The following PCDHGA3 variants were observed in gnomAD, a reference collection of about 807,000 sequenced individuals.
PCDHGA3 encodes protocadherin gamma subfamily A, 3, also known as protocadherin gamma-A3.
PCDHGA3 carries 40 observed loss-of-function variants against 58.5 expected under a neutral mutation model. That is an observed-to-expected ratio of 0.68 (90% CI 0.53 to 0.89). The LOEUF is 0.89. PCDHGA3 is among the 40% of genes least tolerant of loss of function. PCDHGA3 has a pLI of 0.00. For missense variants in PCDHGA3, 1,223 were observed against 1,195.9 expected, an observed-to-expected ratio of 1.02 and a Z score of -0.33; for synonymous variants, 530 against 525.7, an observed-to-expected ratio of 1.01 and a Z score of -0.11.
chr5:141,475,749 A>G (rs1039777629), intron 1 of PCDHGA3, among the ~76,000 whole-genome samples: 13 of 152,278 alleles, frequency 8.5e-5, no homozygotes, highest in Admixed American at 6.5e-5. Context: ...TAGGTTTCCT[A>G]TGCACCGATA....
rs779426857 is a variant in PCDHGA3, at chr5:141,360,094, G to C, written c.2424+13637G>C. The C allele has an allele frequency of 3.3e-6, 5 of 1,522,500 alleles. No homozygotes were observed. The African/African-American group carries it at 4.2e-5, about 13-fold the overall frequency. 94.3% of individuals were successfully genotyped at this position (1,522,500 alleles called of 1,614,324 possible). A position where few individuals can be genotyped will look rare whatever the true frequency, so the allele number is the denominator to read the frequency against. The stretch of plus-strand genomic sequence containing the variant: ...GCCCGGATTCTGCCATCCCCGGAAG[G>C]CTTATTCCTCCTATGGGCAAAGGAG... On this transcript the variant is annotated intron_variant, in intron 1 of 3. Transcript: ENST00000253812.
At chr5:141,499,019 AG>A (rs2099788634) in intron 2 of PCDHGA3, among the ~76,000 whole-genome samples, 3 of 150,840 alleles carry the variant, frequency 2.0e-5, no homozygotes, top group Non-Finnish European at 3.0e-5. Context: ...GAAGGAAGGA[AG>A]GAAGGAAGAA....
At chr5:141,433,326 A>G in intron 1 of PCDHGA3, 1 of 726,596 alleles carries the variant, frequency 1.4e-6, no homozygotes. Context: ...CCGGTGTAAC[A>G]GGGACTACAG....
chr5:141,378,542 TAATA>T (rs1181738762), intron 1 of PCDHGA3: 54 of 152,104 alleles, frequency 3.6e-4, no homozygotes, highest in Admixed American at 3.5e-3. Flanking sequence ...TAATGATAAT[TAATA>T]AATAAAGAGT....
In PCDHGA3 at chr5:141,476,331, C is replaced by T; in HGVS notation, c.2425-18476C>T. On this transcript the variant is annotated intron_variant, in intron 1 of 3. Transcript: ENST00000253812. This position sits in a 1 kb window ranked among gnomAD's most constrained non-coding sequence, Gnocchi z 7.6. Reference sequence around the variant, plus strand: ...CGCAGGTTCCGGGTGGTGTCTGGAGCTAGCCGAAGATTCTTTGAGGTGAAC... The same window carrying T: ...CGCAGGTTCCGGGTGGTGTCTGGAGTTAGCCGAAGATTCTTTGAGGTGAAC... 1.2e-6 allele frequency: 2 copies of T among 1,614,156 alleles called. No individual in the cohort carries two copies. Among genetic ancestry groups the T allele is most frequent in the Non-Finnish European group, 1.7e-6 (2 of 1,180,042 alleles).
At position 141,370,693 on chromosome 5, in the gene PCDHGA3, C is replaced by G. The variant is rs762773164; in HGVS notation, c.2424+24236C>G. On this transcript the variant is annotated intron_variant, in intron 1 of 3. Coordinates refer to ENST00000253812, the MANE Select transcript of PCDHGA3 (RefSeq NM_018916.4). ...CGAGAGGAGATTTGTGGCAAGAAGT[C>G]GACGTGTGTTCTGGAATTTGAAATG... 28 of 1,613,754 alleles carry G rather than the reference C, an allele frequency of 1.7e-5. No individual in the cohort carries two copies. In the East Asian group the frequency reaches 3.8e-4, roughly 22 times the overall value.
chr5:141,505,592 A>T, intron 3 of PCDHGA3, 111 bp downstream of exon 3: 2 of 1,567,266 alleles, frequency 1.3e-6, no homozygotes, highest in Admixed American at 3.6e-5. Flanking sequence ...GTTTCTCCAG[A>T]TCTTTCGGCA....
intron 1 of PCDHGA3, chr5:141,351,573 T>A: frequency 6.2e-7 from 1 of 1,613,942 alleles, no homozygotes; most frequent in Admixed American, 1.7e-5. Flanking sequence ...ACCCTGCACA[T>A]CTCCGACATC....
At chr5:141,435,821 T>C (rs571444304) in intron 1 of PCDHGA3, among the ~76,000 whole-genome samples, 72 of 152,240 alleles carry the variant, frequency 4.7e-4, no homozygotes, top group African/African-American at 1.6e-3. Context: ...CTTTCTTCTT[T>C]GTTTGCTGCC....
chr5:141,391,899 T>G (rs1283624057), intron 1 of PCDHGA3: 2 of 152,212 alleles, frequency 1.3e-5, no homozygotes, highest in Non-Finnish European at 2.9e-5. Flanking sequence ...GGATGGAGCT[T>G]TGCTTTTTAT....
intron 1 of PCDHGA3, among the ~76,000 whole-genome samples, chr5:141,438,296 A>G (rs902991313): frequency 6.6e-6 from 1 of 152,034 alleles, no homozygotes; most frequent in Non-Finnish European, 1.5e-5. Context: ...CTGTATGTAA[A>G]AGAAGTTGGT....
chr5:141,435,027 AC>A (rs1485237615), intron 1 of PCDHGA3, among the ~76,000 whole-genome samples: 1 of 151,978 alleles, frequency 6.6e-6, no homozygotes, highest in Non-Finnish European at 1.5e-5. Flanking sequence ...CTCTTTTCCC[AC>A]TTTTATTTTT....
Position 141,431,215 on chromosome 5 carries a change from C to T in PCDHGA3, c.2425-63592C>T, listed in dbSNP as rs1225114172. On this transcript the variant is annotated intron_variant, in intron 1 of 3. Transcript: ENST00000253812. The surrounding 1 kb of genome is among the most constrained non-coding windows in gnomAD (Gnocchi z 4.8). ...AAAATGCAGCCACTGAGATGCGGTT[C>T]CCTCTACCCCACGCCTGGGATCCGG... is the stretch of plus-strand genomic sequence containing the variant. 2.5e-6 allele frequency: 4 copies of T among 1,614,066 alleles called. No homozygotes were observed. The highest frequency in any genetic ancestry group is 1.3e-5 in the African/African-American group (1 of 74,942).
intron 1 of PCDHGA3, chr5:141,362,108 C>G (rs1317907295): frequency 6.2e-7 from 1 of 1,613,854 alleles, no homozygotes; most frequent in Admixed American, 1.7e-5. Context: ...TCCGCTACGG[C>G]CACGCTGCAC....
At chr5:141,361,650 G>T in intron 1 of PCDHGA3, 1 of 1,613,772 alleles carries the variant, frequency 6.2e-7, no homozygotes, top group Non-Finnish European at 8.5e-7. Context: ...TATCCTACGT[G>T]TCCGTGAGCG....
At chr5:141,403,773 AC>A (rs2094454199) in intron 1 of PCDHGA3, 1 of 1,613,838 alleles carries the variant, frequency 6.2e-7, no homozygotes, top group South Asian at 1.1e-5. Flanking sequence ...GAGGGAATCA[AC>A]GGAAAAGTGG....
chr5:141,413,748 T>C (rs1264580781), intron 1 of PCDHGA3: 2 of 1,613,288 alleles, frequency 1.2e-6, no homozygotes, highest in Non-Finnish European at 1.7e-6. Context: ...GCCGTGCCAA[T>C]GGCGTCAAGT....
rs1561858566 is a variant in PCDHGA3 at position 141,432,177 on chromosome 5, C to G, written c.2425-62630C>G. ...AATCCCAGAGGAGTTTCCCTCGTCTCTGTGACCGCCCACGACCCCGACTGT... is the reference window on the plus strand; with the variant it reads ...AATCCCAGAGGAGTTTCCCTCGTCTGTGTGACCGCCCACGACCCCGACTGT... On this transcript the variant is annotated intron_variant, in intron 1 of 3. Transcript: ENST00000253812. This position sits in a 1 kb window ranked among gnomAD's most constrained non-coding sequence, Gnocchi z 6.0. The G allele has an allele frequency of 6.2e-7, 1 of 1,614,220 alleles. No homozygotes were observed. Among genetic ancestry groups the G allele is most frequent in the Admixed American group, 1.7e-5 (1 of 60,032 alleles).
At chr5:141,404,875 C>A in intron 1 of PCDHGA3, 1 of 1,613,904 alleles carries the variant, frequency 6.2e-7, no homozygotes, top group Non-Finnish European at 8.5e-7. Context: ...TCAAACAGAG[C>A]CTTGTGGTGG....
Sources: gnomAD v4.1 joint callset for allele counts (sites outside exome capture counted in the v4.1 genomes callset) on GRCh38, gnomAD v4.1.1 for gene constraint, Gnocchi (gnomAD v3.1) non-coding constraint, MANE v1.5 for transcripts, NCBI Gene and HGNC (gene_info 2026-07-23, HGNC 2026-07-21) for gene names.